MAF: variants seen among roughly 807,000 people sequenced by gnomAD.
The protein encoded by MAF is MAF bZIP transcription factor.
A neutral mutation model predicts 22.0 loss-of-function variants in MAF; 10 were observed. The ratio of observed to expected loss-of-function variants is 0.45; its 90% CI spans 0.28 to 0.77. MAF has a LOEUF of 0.77. MAF is among the 30% of genes least tolerant of loss of function. MAF has a pLI of 0.12. For missense variants in MAF, 544 were observed against 548.4 expected (o/e 0.99, Z 0.08); for synonymous variants, 337 against 255.8 (o/e 1.32, Z -3.03).
At chr16:79,203,270 C>G in the MAF span, 1 of 152,134 alleles carries the variant, frequency 6.6e-6, no homozygotes, top group African/African-American at 2.4e-5. Flanking sequence ...GAAATATTAA[C>G]AAGGCCAGCG....
the MAF span, among the ~76,000 whole-genome samples, chr16:79,266,729 G>T: frequency 1.2e-4 from 19 of 152,280 alleles, no homozygotes; most frequent in South Asian, 3.9e-3. Context: ...TTTATAATTT[G>T]GTCATGTAAT....
chr16:79,351,843 G>A, the MAF span, among the ~76,000 whole-genome samples: 1 of 152,130 alleles, frequency 6.6e-6, no homozygotes, highest in Non-Finnish European at 1.5e-5. Context: ...AAATGTGGCA[G>A]CTTCACCATG....
At chr16:79,274,120 A>G in the MAF span, among the ~76,000 whole-genome samples, 8 of 151,798 alleles carry the variant, frequency 5.3e-5, no homozygotes, top group Non-Finnish European at 1.2e-4. Context: ...ATGACTGGTT[A>G]ATTTTTGTAT....
chr16:79,587,823 G>A (rs1912939766), intron 1 of MAF, among the ~76,000 whole-genome samples: 1 of 144,978 alleles, frequency 6.9e-6, no homozygotes, highest in African/African-American at 2.5e-5. Context: ...TCTACTCTCT[G>A]GCCATCTGGG....
the MAF span, among the ~76,000 whole-genome samples, chr16:79,481,514 G>C: frequency 6.6e-6 from 1 of 151,748 alleles, no homozygotes; most frequent in African/African-American, 2.4e-5. Flanking sequence ...GCCCCTAACA[G>C]TCCCATCCAT....
chr16:79,528,508 T>G, the MAF span, among the ~76,000 whole-genome samples: 1 of 152,154 alleles, frequency 6.6e-6, no homozygotes, highest in Non-Finnish European at 1.5e-5. Flanking sequence ...GGCTCTCTCT[T>G]TACTGAAATC....
chr16:79,458,645 T>A, the MAF span, among the ~76,000 whole-genome samples: 1 of 152,206 alleles, frequency 6.6e-6, no homozygotes, highest in Admixed American at 6.5e-5. Context: ...AAGCATGAAT[T>A]GTCCTTTTAC....
the MAF span, among the ~76,000 whole-genome samples, chr16:79,372,592 G>C: frequency 6.6e-6 from 1 of 152,182 alleles, no homozygotes; most frequent in South Asian, 2.1e-4. Context: ...TGACCTACTG[G>C]GGCATCTTAT....
chr16:79,537,459 T>G, the MAF span, among the ~76,000 whole-genome samples: 1 of 152,282 alleles, frequency 6.6e-6, no homozygotes, highest in East Asian at 1.9e-4. Flanking sequence ...CTGAAGGCAT[T>G]AAGGTTGAGT....
the MAF span, among the ~76,000 whole-genome samples, chr16:79,378,647 C>T: frequency 6.6e-6 from 1 of 152,012 alleles, no homozygotes; most frequent in Non-Finnish European, 1.5e-5. Context: ...TAGAGATGAC[C>T]ATTATAAACA....
the MAF span, among the ~76,000 whole-genome samples, chr16:79,336,298 T>C: frequency 6.6e-6 from 1 of 152,214 alleles, no homozygotes; most frequent in African/African-American, 2.4e-5. Flanking sequence ...CACAAGGGAA[T>C]ACTGTTATGA....
chr16:79,376,885 G>A, the MAF span, among the ~76,000 whole-genome samples: 2 of 152,180 alleles, frequency 1.3e-5, no homozygotes, highest in African/African-American at 4.8e-5. Context: ...AGTATTCCAT[G>A]GTGTATATAT....
the MAF span, among the ~76,000 whole-genome samples, chr16:79,361,430 G>A: frequency 2.0e-5 from 3 of 152,208 alleles, no homozygotes; most frequent in South Asian, 2.1e-4. Context: ...GGCCTAAGGA[G>A]GCTGAGGCAT....
At chr16:79,480,744 C>T in the MAF span, among the ~76,000 whole-genome samples, 14 of 152,246 alleles carry the variant, frequency 9.2e-5, no homozygotes, top group South Asian at 2.1e-4. Flanking sequence ...AAGGCTATGT[C>T]CCAGCAAAAG....
the MAF span, among the ~76,000 whole-genome samples, chr16:79,421,698 A>T: frequency 9.3e-5 from 14 of 150,492 alleles, no homozygotes; most frequent in African/African-American, 3.2e-4. Context: ...GTGCAATGGC[A>T]CAATTGTTGG....
At chr16:79,241,927 C>T in the MAF span, among the ~76,000 whole-genome samples, 1 of 152,122 alleles carries the variant, frequency 6.6e-6, no homozygotes, top group East Asian at 1.9e-4. Context: ...CCCAGAATTT[C>T]ATATCCAGCC....
chr16:79,250,743 T>C, the MAF span, among the ~76,000 whole-genome samples: 3 of 152,160 alleles, frequency 2.0e-5, no homozygotes, highest in Non-Finnish European at 2.9e-5. Context: ...AATAAATTCG[T>C]TTGAGAAATC....
At chr16:79,509,580 C>A in the MAF span, among the ~76,000 whole-genome samples, 1 of 152,214 alleles carries the variant, frequency 6.6e-6, no homozygotes, top group South Asian at 2.1e-4. Context: ...CCATTCCTGG[C>A]TGGAGAGGGC....
chr16:79,205,727 G>A, the MAF span: 4 of 152,322 alleles, frequency 2.6e-5, no homozygotes, highest in African/African-American at 9.6e-5. Context: ...TGTGTCTAAG[G>A]CTGGATTGTT....
Sources: allele counts gnomAD v4.1 joint callset (sites outside exome capture counted in the v4.1 genomes callset), GRCh38; gene constraint gnomAD v4.1.1; transcripts MANE v1.5; gene names NCBI Gene and HGNC (gene_info 2026-07-23, HGNC 2026-07-21).